QKI: variants seen among roughly 807,000 people sequenced by gnomAD.
The protein encoded by QKI is KH domain-containing RNA-binding protein QKI.
In QKI, 10 loss-of-function variants were observed where a neutral mutation model predicts 39.0. That is an observed-to-expected ratio of 0.26 (90% CI 0.16 to 0.43). The LOEUF is 0.43. Ranked by LOEUF, QKI falls within the 20% of genes least tolerant of loss-of-function variation. The probability of loss-of-function intolerance (pLI) is 1.00; values close to 1 mark genes in which losing one functional copy is unlikely to be tolerated. For synonymous variants in QKI, 204 were observed against 155.4 expected (o/e 1.31, Z -2.33); for missense variants, 218 against 428.0 (o/e 0.51, Z 4.33).
chr6:163,416,313 G>A (rs766149812), intron 1 of QKI: 2 of 195,742 alleles, frequency 1.0e-5, no homozygotes, highest in African/African-American at 4.7e-5. Flanking sequence ...AGTTCTCATA[G>A]CAGTACCTGA....
At chr6:163,516,829 T>C (rs1271241389) in intron 3 of QKI, among the ~76,000 whole-genome samples, 1 of 152,176 alleles carries the variant, frequency 6.6e-6, no homozygotes, top group Non-Finnish European at 1.5e-5. Context: ...GAATATATTT[T>C]AACTTACTTG....
chr6:163,490,418 A>G (rs1439016712), intron 3 of QKI, among the ~76,000 whole-genome samples: 2 of 152,218 alleles, frequency 1.3e-5, no homozygotes, highest in African/African-American at 2.4e-5. Context: ...GATGATATAT[A>G]CATTGTGCAG....
intron 3 of QKI, among the ~76,000 whole-genome samples, chr6:163,504,682 T>G (rs996324186): frequency 2.0e-5 from 3 of 152,182 alleles, no homozygotes; most frequent in African/African-American, 7.2e-5. Flanking sequence ...GCAACTGATT[T>G]TTGTACATTG....
At chr6:163,493,555 A>G (rs1191321988) in intron 3 of QKI, among the ~76,000 whole-genome samples, 1 of 152,224 alleles carries the variant, frequency 6.6e-6, no homozygotes, top group Non-Finnish European at 1.5e-5. Flanking sequence ...TCTGTACTTT[A>G]TCATTAAGAT....
intron 2 of QKI, among the ~76,000 whole-genome samples, chr6:163,472,066 C>T (rs998837291): frequency 6.6e-6 from 1 of 152,090 alleles, no homozygotes; most frequent in African/African-American, 2.4e-5. Context: ...CACTGACTCC[C>T]TTTGCGGTAA....
At chr6:163,487,911 T>G (rs1777778782) in intron 3 of QKI, among the ~76,000 whole-genome samples, 2 of 152,176 alleles carry the variant, frequency 1.3e-5, no homozygotes, top group Non-Finnish European at 2.9e-5. Flanking sequence ...AGAATAGCTA[T>G]ATTCTGTTTC....
At chr6:163,557,953 G>T (rs558255756) in intron 4 of QKI, among the ~76,000 whole-genome samples, 1 of 152,318 alleles carries the variant, frequency 6.6e-6, no homozygotes, top group South Asian at 2.1e-4. Context: ...GAAGCTATGA[G>T]ATTGCGGATA....
intron 4 of QKI, among the ~76,000 whole-genome samples, chr6:163,539,139 T>C (rs956701582): frequency 1.1e-4 from 16 of 152,056 alleles, no homozygotes; most frequent in Non-Finnish European, 1.9e-4. Context: ...CTTCACCATG[T>C]AACAGGAAGA....
At chr6:163,417,396 A>G (rs1396420781) in intron 1 of QKI, among the ~76,000 whole-genome samples, 1 of 152,188 alleles carries the variant, frequency 6.6e-6, no homozygotes, top group African/African-American at 2.4e-5. Flanking sequence ...GATTCCAAAA[A>G]AAAGTTTGAA....
rs747068139 is a variant in QKI at position 163,563,390 on chromosome 6, CTTCT to C, written c.635-25_635-22del. The C allele has an allele frequency of 2.6e-5, 40 of 1,550,666 alleles. 1 individual carries two copies. The South Asian group carries it at 4.8e-4, about 19-fold the overall frequency. On this transcript the variant is annotated intron_variant, in intron 5 of 7. Coordinates refer to ENST00000361752, the MANE Select transcript of QKI (RefSeq NM_006775.3). ...CGTATTTTATACTGCTGTCTCTATA[CTTCT>C]TTCTAAATTTCTTTGCTTACTGTAG...
chr6:163,485,915 C>T (rs1692826276), intron 3 of QKI, among the ~76,000 whole-genome samples: 1 of 152,210 alleles, frequency 6.6e-6, no homozygotes, highest in South Asian at 2.1e-4. Flanking sequence ...AATACACTAA[C>T]AATAGCTGAT....
intron 1 of QKI, among the ~76,000 whole-genome samples, chr6:163,444,297 T>C (rs1789982393): frequency 6.6e-6 from 1 of 152,190 alleles, no homozygotes; most frequent in Non-Finnish European, 1.5e-5. Flanking sequence ...AATGTGCTCA[T>C]TTCGCAGATG....
intron 3 of QKI, among the ~76,000 whole-genome samples, chr6:163,529,338 T>G (rs972189817): frequency 6.6e-6 from 1 of 152,174 alleles, no homozygotes; most frequent in Non-Finnish European, 1.5e-5. Context: ...TGAATGATGC[T>G]CTTCAATCAT....
At chr6:163,494,077 C>G (rs1367052110) in intron 3 of QKI, among the ~76,000 whole-genome samples, 1 of 151,264 alleles carries the variant, frequency 6.6e-6, no homozygotes, top group Non-Finnish European at 1.5e-5. Context: ...CCTTGGCCCT[C>G]CATACTGCAG....
chr6:163,517,081 TTCTCTCTC>T (rs757701002), intron 3 of QKI, among the ~76,000 whole-genome samples: 8 of 97,698 alleles, frequency 8.2e-5, no homozygotes, highest in Middle Eastern at 5.4e-3. Flanking sequence ...CTCTCTCTCT[TTCTCTCTC>T]TCTCTCTCTC....
intron 1 of QKI, among the ~76,000 whole-genome samples, chr6:163,444,175 C>T (rs1789969680): frequency 6.6e-6 from 1 of 152,168 alleles, no homozygotes; most frequent in Admixed American, 6.5e-5. Context: ...TGAGTATATA[C>T]AGCCCTTGCC....
intron 1 of QKI, among the ~76,000 whole-genome samples, chr6:163,452,420 T>C (rs888856619): frequency 2.0e-4 from 30 of 152,322 alleles, no homozygotes; most frequent in African/African-American, 7.0e-4. Context: ...AGACTTCTTA[T>C]CTGTCTTCCT....
intron 2 of QKI, among the ~76,000 whole-genome samples, chr6:163,467,145 G>A (rs186480567): frequency 6.6e-6 from 1 of 152,226 alleles, no homozygotes; most frequent in East Asian, 1.9e-4. Flanking sequence ...ATGAAAAGGT[G>A]CTTAACATCA....
At chr6:163,424,030 A>G (rs1334866195) in intron 1 of QKI, among the ~76,000 whole-genome samples, 1 of 152,202 alleles carries the variant, frequency 6.6e-6, no homozygotes, top group Admixed American at 6.5e-5. Flanking sequence ...TGCACCAGAT[A>G]GCCACCAGGT....
Sources: allele counts gnomAD v4.1 joint callset (sites outside exome capture counted in the v4.1 genomes callset), GRCh38; gene constraint gnomAD v4.1.1; transcripts MANE v1.5; gene names NCBI Gene and HGNC (gene_info 2026-07-23, HGNC 2026-07-21).